KSR2: variants seen among roughly 807,000 people sequenced by gnomAD.
KSR2 encodes the protein kinase suppressor of ras 2.
KSR2 carries 25 observed loss-of-function variants against 107.8 expected under a neutral mutation model. That is an observed-to-expected ratio of 0.23 (90% CI 0.17 to 0.32). The LOEUF (loss-of-function observed/expected upper bound fraction) is 0.32, where lower values mean the gene tolerates loss of function less well. Ranked by LOEUF, KSR2 falls within the 10% of genes least tolerant of loss-of-function variation. KSR2 has a pLI of 1.00. For synonymous variants in KSR2, 480 were observed against 507.0 expected (o/e 0.95, Z 0.71); for missense variants, 887 against 1,268.9 (o/e 0.70, Z 4.57).
chr12:117,842,876 C>T lies in KSR2; in HGVS notation c.472+12552G>A, dbSNP rs1221924504. Reference sequence around the variant, plus strand: ...AGGTTGCTCGACAGGGGTTCTGCTGCAAGACAAAGGCTGGAGAGGAAAACA... The same window carrying T: ...AGGTTGCTCGACAGGGGTTCTGCTGTAAGACAAAGGCTGGAGAGGAAAACA... On this transcript the variant is annotated intron_variant, in intron 3 of 19. Transcript: ENST00000339824. The surrounding 1 kb of genome is among the most constrained non-coding windows in gnomAD (Gnocchi z 4.2). 6.6e-6 allele frequency among the ~76,000 whole-genome samples: 1 copy of T among 152,116 alleles called. No homozygotes were observed. Among genetic ancestry groups the T allele is most frequent in the East Asian group, 1.9e-4 (1 of 5,174 alleles).
At chr12:117,534,766 A>T (rs1875909890) in intron 10 of KSR2, among the ~76,000 whole-genome samples, 2 of 151,948 alleles carry the variant, frequency 1.3e-5, no homozygotes, top group South Asian at 4.2e-4. Context: ...GGTGGGCTCA[A>T]TGTCACCACA....
chr12:117,498,403 G>A (rs1873172428), intron 14 of KSR2, among the ~76,000 whole-genome samples: 1 of 152,186 alleles, frequency 6.6e-6, no homozygotes, highest in African/African-American at 2.4e-5. Flanking sequence ...AAGCAAAGCA[G>A]GCTGCAGGTG....
intron 7 of KSR2, among the ~76,000 whole-genome samples, chr12:117,569,936 G>T (rs816204): frequency 0.83 from 125,862 of 151,962 alleles, 52,593 homozygotes; most frequent in Middle Eastern, 0.9. Flanking sequence ...GCCCCATGGC[G>T]TAGGAATGAG....
chr12:117,490,151 C>T (rs1447363071), intron 14 of KSR2, among the ~76,000 whole-genome samples: 2 of 152,148 alleles, frequency 1.3e-5, no homozygotes, highest in African/African-American at 4.8e-5. Context: ...GAACCCATTC[C>T]CGATCTTCTT....
At chr12:117,546,310 G>C (rs1005798807) in intron 9 of KSR2, among the ~76,000 whole-genome samples, 35 of 152,078 alleles carry the variant, frequency 2.3e-4, no homozygotes, top group Admixed American at 2.0e-4. Flanking sequence ...TGGCCTCCAT[G>C]GTTTCTGATG....
chr12:117,523,432 G>A (rs778640467), intron 14 of KSR2, among the ~76,000 whole-genome samples: 8 of 152,120 alleles, frequency 5.3e-5, no homozygotes, highest in East Asian at 1.9e-4. Flanking sequence ...GGGAGTCAGC[G>A]CCAGAGTTTA....
At position 117,555,057 on chromosome 12, in the gene KSR2, G is replaced by A. The variant is rs553139917; in HGVS notation, c.1518+112C>T. On this transcript the variant is annotated intron_variant, in intron 9 of 19. Transcript: ENST00000339824. ...CAAACATCACAGAATTAGGGGAGCC[G>A]AGACGGGCTAGGAGGGAGCGCCATA... 129 of 1,312,098 alleles carry A rather than the reference G, an allele frequency of 9.8e-5. No homozygotes were observed. In the African/African-American group the frequency reaches 1.4e-3, roughly 14 times the overall value. 81.3% of individuals were successfully genotyped at this position (1,312,098 alleles called of 1,614,324 possible).
chr12:117,541,015 G>A (rs1041895190), intron 9 of KSR2, among the ~76,000 whole-genome samples: 3 of 152,194 alleles, frequency 2.0e-5, no homozygotes, highest in Non-Finnish European at 4.4e-5. Flanking sequence ...CCATTCCTCG[G>A]TTTTGTCCTC....
chr12:117,889,559 C>A (rs559043965), intron 1 of KSR2: 1 of 151,998 alleles, frequency 6.6e-6, no homozygotes. Flanking sequence ...AATAACGAGA[C>A]GTGGGGCCAT....
intron 5 of KSR2, among the ~76,000 whole-genome samples, chr12:117,648,284 C>G: frequency 6.6e-6 from 1 of 151,250 alleles, no homozygotes; most frequent in Non-Finnish European, 1.5e-5. Flanking sequence ...TTGGACTGGA[C>G]GTTGACTGCC....
chr12:117,787,580 C>A (rs564423804), intron 3 of KSR2, among the ~76,000 whole-genome samples: 1 of 152,196 alleles, frequency 6.6e-6, no homozygotes, highest in African/African-American at 2.4e-5. Flanking sequence ...TTGCAGTGAG[C>A]CGACACTGCG....
chr12:117,875,040 T>G (rs1304448893), intron 1 of KSR2, among the ~76,000 whole-genome samples: 3 of 152,136 alleles, frequency 2.0e-5, no homozygotes, highest in Non-Finnish European at 4.4e-5. Flanking sequence ...GCCTGGCACC[T>G]TCCACGACAG....
At chr12:117,791,279 A>C (rs1244272892) in intron 3 of KSR2, among the ~76,000 whole-genome samples, 1 of 151,708 alleles carries the variant, frequency 6.6e-6, no homozygotes, top group Non-Finnish European at 1.5e-5. Context: ...TCCTTAGCCT[A>C]CATGTCACCT....
chr12:117,846,673 G>A (rs899105651), intron 3 of KSR2, among the ~76,000 whole-genome samples: 2 of 152,236 alleles, frequency 1.3e-5, no homozygotes, highest in African/African-American at 4.8e-5. Flanking sequence ...AATATTCTGT[G>A]ATGATGGGGA....
chr12:117,750,518 T>G (rs1352621824), intron 4 of KSR2, among the ~76,000 whole-genome samples: 1 of 152,142 alleles, frequency 6.6e-6, no homozygotes, highest in African/African-American at 2.4e-5. Flanking sequence ...CAACTTTCAT[T>G]TTAGGTTCAG....
chr12:117,890,826 G>A (rs1894319811), intron 1 of KSR2: 1 of 152,168 alleles, frequency 6.6e-6, no homozygotes, highest in African/African-American at 2.4e-5. Context: ...CTGGGAGTCA[G>A]GAGACTTGTG....
chr12:117,494,098 G>A (rs1872890843), intron 14 of KSR2, among the ~76,000 whole-genome samples: 1 of 152,212 alleles, frequency 6.6e-6, no homozygotes, highest in Non-Finnish European at 1.5e-5. Flanking sequence ...ACACACGAAT[G>A]AATGAATGGA....
At chr12:117,574,827 A>G (rs1879169254) in intron 7 of KSR2, among the ~76,000 whole-genome samples, 1 of 149,988 alleles carries the variant, frequency 6.7e-6, no homozygotes, top group Admixed American at 6.7e-5. Flanking sequence ...GAATAGCATG[A>G]GGCCAGTCCA....
At chr12:117,790,372 G>C (rs572440475) in intron 3 of KSR2, among the ~76,000 whole-genome samples, 36 of 152,256 alleles carry the variant, frequency 2.4e-4, no homozygotes, top group African/African-American at 8.4e-4. Flanking sequence ...ACAGACAAAA[G>C]GTTGCATTCT....
Sources: gnomAD v4.1 joint callset for allele counts (sites outside exome capture counted in the v4.1 genomes callset) on GRCh38, gnomAD v4.1.1 for gene constraint, Gnocchi (gnomAD v3.1) non-coding constraint, MANE v1.5 for transcripts, NCBI Gene and HGNC (gene_info 2026-07-23, HGNC 2026-07-21) for gene names.